Variants in NEGR1 observed in about 807,000 individuals in gnomAD.
The protein encoded by NEGR1 is IgLON family member 4.
NEGR1 carries 10 observed loss-of-function variants against 40.9 expected under a neutral mutation model. The observed-to-expected ratio is 0.24, with a 90% CI of 0.15 to 0.42. The LOEUF (loss-of-function observed/expected upper bound fraction) is 0.42. Among genes scored for constraint, NEGR1 ranks in the 10% least tolerant of loss-of-function variants. The probability of loss-of-function intolerance (pLI) is 1.00; values close to 1 mark genes in which losing one functional copy is unlikely to be tolerated. For synonymous variants in NEGR1, 185 were observed against 166.8 expected (o/e 1.11, Z -0.84); for missense variants, 352 against 438.9 (o/e 0.80, Z 1.77).
intron 4 of NEGR1, among the ~76,000 whole-genome samples, chr1:71,649,738 C>T (rs1039638068): frequency 6.6e-6 from 1 of 152,028 alleles, no homozygotes; most frequent in Non-Finnish European, 1.5e-5. Context: ...TGTGGAGAAA[C>T]ATTATGTTCT....
At chr1:71,911,997 C>T (rs550490901) in intron 2 of NEGR1, among the ~76,000 whole-genome samples, 1 of 152,190 alleles carries the variant, frequency 6.6e-6, no homozygotes, top group South Asian at 2.1e-4. Flanking sequence ...CAAGAATGTA[C>T]CCTGGTGTCT....
In NEGR1 at chr1:71,397,519, G is replaced by C. The variant is rs1233911770; in HGVS notation, c.*9927C>G. On this transcript the variant is annotated 3_prime_UTR_variant, in exon 7 of 7. Coordinates refer to ENST00000357731, the MANE Select transcript of NEGR1 (RefSeq NM_173808.3). ...TTTTTATATTTTTAGTAGAGTTGGG[G>C]TTTTATCATGTTGGCCAGGTTGGTC... 1 of 152,152 alleles carries C rather than the reference G, an allele frequency of 6.6e-6. No individual in the cohort carries two copies. Among genetic ancestry groups the C allele is most frequent in the Non-Finnish European group, 1.5e-5 (1 of 68,090 alleles). 9.4% of individuals were successfully genotyped at this position (152,152 alleles called of 1,614,324 possible). A position where few individuals can be genotyped will look rare whatever the true frequency, so the allele number is the denominator to read the frequency against.
Position 72,013,963 on chromosome 1 carries a change from T to TAA in NEGR1, c.177-78654_177-78653dup, listed in dbSNP as rs1161156816. 6.2e-3 allele frequency among the ~76,000 whole-genome samples: 545 copies of TAA among 88,464 alleles called. 6 individuals carry two copies. Among genetic ancestry groups the TAA allele is most frequent in the African/African-American group, 6.9e-3 (157 of 22,770 alleles). The allele number at this position is 88,464 out of a possible 152,430, so 58.0% of individuals were successfully genotyped here. A position where few individuals can be genotyped will look rare whatever the true frequency, so the allele number is the denominator to read the frequency against. On this transcript the variant is annotated intron_variant, in intron 1 of 6. Transcript: ENST00000357731. ...GTCCCAAGAGATGCTCTGTGAAAAATAAAAAAAAAAAAAAAAAAAAAAAAA... is the reference window on the plus strand; with the variant it reads ...GTCCCAAGAGATGCTCTGTGAAAAATAAAAAAAAAAAAAAAAAAAAAAAAAAA...
At chr1:72,148,273 C>T (rs945497281) in intron 1 of NEGR1, among the ~76,000 whole-genome samples, 1 of 152,160 alleles carries the variant, frequency 6.6e-6, no homozygotes, top group Admixed American at 6.6e-5. Flanking sequence ...TTGACCTGTG[C>T]ACCCGCAGGC....
chr1:72,083,719 A>AT (rs199789178), intron 1 of NEGR1, among the ~76,000 whole-genome samples: 1,610 of 151,880 alleles, frequency 0.011, 29 homozygotes, highest in African/African-American at 0.037. Context: ...CCTAGGTTTG[A>AT]TTTTTTTTAA....
At chr1:72,166,351 C>T (rs1651763794) in intron 1 of NEGR1, among the ~76,000 whole-genome samples, 1 of 151,950 alleles carries the variant, frequency 6.6e-6, no homozygotes, top group Admixed American at 6.6e-5. Context: ...AATTAGCCAA[C>T]ATGAAAAACT....
At chr1:71,953,359 G>T (rs1214440977) in intron 1 of NEGR1, among the ~76,000 whole-genome samples, 3 of 151,986 alleles carry the variant, frequency 2.0e-5, no homozygotes, top group Admixed American at 6.6e-5. Context: ...GGAGCCTGAA[G>T]ATGTGCCTGA....
chr1:71,953,087 A>C (rs2100277926), intron 1 of NEGR1, among the ~76,000 whole-genome samples: 1 of 152,014 alleles, frequency 6.6e-6, no homozygotes, highest in Admixed American at 6.6e-5. Context: ...GTAACACAAC[A>C]CCCATAACAT....
At chr1:71,915,251 A>G (rs1661541034) in intron 2 of NEGR1, among the ~76,000 whole-genome samples, 3 of 152,180 alleles carry the variant, frequency 2.0e-5, no homozygotes, top group Admixed American at 6.5e-5. Context: ...TTGTCATTAC[A>G]AAGTTGAAAA....
chr1:71,586,617 T>C (rs1279965495), intron 6 of NEGR1, among the ~76,000 whole-genome samples: 1 of 152,154 alleles, frequency 6.6e-6, no homozygotes, highest in Non-Finnish European at 1.5e-5. Context: ...TGGAGCACCA[T>C]AAACTTCAAC....
chr1:71,860,077 A>G (rs917937631), intron 2 of NEGR1, among the ~76,000 whole-genome samples: 2 of 151,910 alleles, frequency 1.3e-5, no homozygotes, highest in African/African-American at 2.4e-5. Flanking sequence ...TCCATTCCAA[A>G]TTCTGCGAAT....
At chr1:72,029,991 G>T (rs1185791910) in intron 1 of NEGR1, among the ~76,000 whole-genome samples, 2 of 150,208 alleles carry the variant, frequency 1.3e-5, no homozygotes, top group African/African-American at 4.9e-5. Flanking sequence ...TTTCTCACAA[G>T]AATTGAAGTG....
At chr1:72,129,881 C>T (rs899295410) in intron 1 of NEGR1, among the ~76,000 whole-genome samples, 2 of 152,292 alleles carry the variant, frequency 1.3e-5, no homozygotes. Context: ...CCACTTTTCA[C>T]TATCTGGACT....
chr1:72,089,809 T>TGTAACTAATGTAATGTAAA (rs1648390186), intron 1 of NEGR1, among the ~76,000 whole-genome samples: 1 of 152,142 alleles, frequency 6.6e-6, no homozygotes, highest in South Asian at 2.1e-4. Flanking sequence ...GACTATTAAA[T>TGTAACTAATGTAATGTAAA]ATATGTAACT....
chr1:71,404,197 T>G lies in NEGR1; in HGVS notation c.*3249A>C, dbSNP rs1164083468. 6.5e-6 allele frequency: 1 copy of G among 152,764 alleles called. No individual in the cohort carries two copies. The highest frequency in any genetic ancestry group is 2.4e-5 in the African/African-American group (1 of 41,346). The allele number at this position is 152,764 out of a possible 1,614,324, so 9.5% of individuals were successfully genotyped here. On this transcript the variant is annotated 3_prime_UTR_variant, in exon 7 of 7. Coordinates refer to ENST00000357731, the MANE Select transcript of NEGR1 (RefSeq NM_173808.3). ...TTTTCCCTGAATTACCTGGGTAATT[T>G]TCTCAGTTCTCCAGTCTACTTTCTA...
At chr1:72,147,017 G>C (rs1374337863) in intron 1 of NEGR1, among the ~76,000 whole-genome samples, 1 of 152,132 alleles carries the variant, frequency 6.6e-6, no homozygotes, top group African/African-American at 2.4e-5. Context: ...AATTTTGGTT[G>C]TGTCTGACTT....
chr1:71,592,803 A>G lies in NEGR1; in HGVS notation c.940+14T>C, dbSNP rs752377945. 1 of 1,602,182 alleles carries G rather than the reference A, an allele frequency of 6.2e-7. No individual in the cohort carries two copies. Among genetic ancestry groups the G allele is most frequent in the South Asian group, 1.1e-5 (1 of 90,328 alleles). ...AGGCCCCTGGAAGCATTTTGGTACCATTGCATTACTTACGGTTAAGAGGCA... is the reference window on the plus strand; with the variant it reads ...AGGCCCCTGGAAGCATTTTGGTACCGTTGCATTACTTACGGTTAAGAGGCA... On this transcript the variant is annotated intron_variant, in intron 6 of 6. Transcript: ENST00000357731.
chr1:71,670,428 T>A (rs1014219488), intron 4 of NEGR1, among the ~76,000 whole-genome samples: 1 of 152,208 alleles, frequency 6.6e-6, no homozygotes, highest in Non-Finnish European at 1.5e-5. Context: ...AGCATAGATA[T>A]CTGTGTATTA....
At chr1:72,132,438 C>A (rs1650294258) in intron 1 of NEGR1, among the ~76,000 whole-genome samples, 1 of 152,094 alleles carries the variant, frequency 6.6e-6, no homozygotes, top group African/African-American at 2.4e-5. Flanking sequence ...AAAGTTGAAT[C>A]CTTATGGAGT....
Sources: allele counts gnomAD v4.1 joint callset (sites outside exome capture counted in the v4.1 genomes callset), GRCh38; gene constraint gnomAD v4.1.1; transcripts MANE v1.5; gene names NCBI Gene and HGNC (gene_info 2026-07-23, HGNC 2026-07-21).